Variants in PIK3C3 observed in about 807,000 individuals in gnomAD.
PIK3C3 encodes the protein PI3-kinase type 3.
PIK3C3 carries 95 observed loss-of-function variants against 126.1 expected under a neutral mutation model. That is an observed-to-expected ratio of 0.75 (90% confidence interval 0.64 to 0.89). The LOEUF is 0.89. Among genes scored for constraint, PIK3C3 ranks in the 40% least tolerant of loss-of-function variants. The probability of loss-of-function intolerance (pLI) is 0.00; values close to 1 mark genes in which losing one functional copy is unlikely to be tolerated. For missense variants in PIK3C3, 829 were observed against 1,063.2 expected (o/e 0.78, Z 3.06); for synonymous variants, 374 against 360.0 (o/e 1.04, Z -0.44).
intron 24 of PIK3C3, among the ~76,000 whole-genome samples, chr18:42,076,129 T>TATGCAC (rs1985991159): frequency 6.1e-5 from 5 of 81,728 alleles, no homozygotes; most frequent in African/African-American, 3.5e-4. Context: ...TATGCGCATA[T>TATGCAC]ATATATATAT....
intron 12 of PIK3C3, among the ~76,000 whole-genome samples, chr18:42,020,251 C>T (rs1409312030): frequency 6.6e-6 from 1 of 152,096 alleles, no homozygotes; most frequent in Non-Finnish European, 1.5e-5. Flanking sequence ...ATTTTATTTA[C>T]ATTACTTAGC....
intron 24 of PIK3C3, among the ~76,000 whole-genome samples, chr18:42,079,641 G>A (rs1986164805): frequency 6.6e-6 from 1 of 151,970 alleles, no homozygotes; most frequent in South Asian, 2.1e-4. Flanking sequence ...AATAAAACAA[G>A]GTATGCTGGT....
At chr18:41,976,967 T>C (rs1301042133) in intron 4 of PIK3C3, among the ~76,000 whole-genome samples, 1 of 152,224 alleles carries the variant, frequency 6.6e-6, no homozygotes, top group African/African-American at 2.4e-5. Context: ...CAGTGACATA[T>C]GCTTAAGATC....
intron 10 of PIK3C3, among the ~76,000 whole-genome samples, chr18:42,009,381 T>C (rs1982695941): frequency 6.6e-6 from 1 of 152,162 alleles, no homozygotes; most frequent in Non-Finnish European, 1.5e-5. Flanking sequence ...TAAAAATTAT[T>C]TGGTGTGAGA....
intron 13 of PIK3C3, among the ~76,000 whole-genome samples, chr18:42,024,018 T>A (rs1177455814): frequency 6.6e-6 from 1 of 152,212 alleles, no homozygotes; most frequent in African/African-American, 2.4e-5. Flanking sequence ...ATGATGGGCA[T>A]CAGAATCTAT....
intron 3 of PIK3C3, among the ~76,000 whole-genome samples, chr18:41,968,648 C>T (rs1423651604): frequency 6.6e-6 from 1 of 152,054 alleles, no homozygotes; most frequent in Non-Finnish European, 1.5e-5. Flanking sequence ...AGTTCCCAAT[C>T]TAAATGTTTA....
rs1428736528 is a variant in PIK3C3 at position 42,029,328 on chromosome 18, G to T, written c.1594G>T (p.Asp532Tyr). Residue 532 changes from aspartate to tyrosine, a missense_variant, in exon 15 of 25, where the codon GAT becomes TAT. Around this residue, in one of 4 missense-constraint regions of PIK3C3, gnomAD observed 256 missense variants for 291.0 expected, o/e 0.88. Coordinates refer to ENST00000262039, the MANE Select transcript of PIK3C3 (RefSeq NM_002647.4). The part of the protein sequence containing the change: ...RRFSQALLKG[D>Y]KSVRVMRSLL... Reference sequence around the variant, plus strand: ...TTTCTCACTTTGAACCCTTCAGGGTGATAAGTCTGTCAGAGTTATGCGTTC... The same window carrying T: ...TTTCTCACTTTGAACCCTTCAGGGTTATAAGTCTGTCAGAGTTATGCGTTC... 1 of 1,607,430 alleles carries T rather than the reference G, an allele frequency of 6.2e-7. No homozygotes were observed. The highest frequency in any genetic ancestry group is 1.3e-5 in the African/African-American group (1 of 74,814).
chr18:42,076,225 T>C (rs938127948), intron 24 of PIK3C3, among the ~76,000 whole-genome samples: 20 of 136,920 alleles, frequency 1.5e-4, no homozygotes, highest in African/African-American at 1.5e-4. Context: ...TATATATGCA[T>C]ATATATATTA....
At chr18:42,049,675 C>A in intron 21 of PIK3C3, 70 bp downstream of exon 21, 1 of 1,242,954 alleles carries the variant, frequency 8.0e-7, no homozygotes, top group Non-Finnish European at 1.2e-6. Flanking sequence ...AATCTATGTA[C>A]TAACAAGATA....
At position 42,041,939 on chromosome 18, in the gene PIK3C3, C is replaced by T. The variant is rs1249366353; in HGVS notation, c.2103+1198C>T. Among the ~76,000 whole-genome samples the T allele has an allele frequency of 3.9e-5, 6 of 152,326 alleles. No individual in the cohort carries two copies. In the South Asian group the frequency reaches 6.2e-4, roughly 16 times the overall value. On this transcript the variant is annotated intron_variant, in intron 19 of 24. Transcript: ENST00000262039. ...AACTCTTTTTGCAGAGAAAAGTTAA[C>T]ATAGTAGCCCTAAGGTTGCAATCTT... is the stretch of plus-strand genomic sequence containing the variant.
At chr18:42,020,840 CTG>C (rs1366605409) in intron 13 of PIK3C3, 135 bp downstream of exon 13, 14 of 568,506 alleles carry the variant, frequency 2.5e-5, no homozygotes, top group African/African-American at 1.5e-4. Flanking sequence ...TTATATCTAA[CTG>C]TATTCCCTGA....
At chr18:41,990,278 T>C (rs1374482888) in intron 5 of PIK3C3, among the ~76,000 whole-genome samples, 181 bp from the exon 6 acceptor site, 1 of 152,170 alleles carries the variant, frequency 6.6e-6, no homozygotes, top group African/African-American at 2.4e-5. Flanking sequence ...GTGCTGTCTA[T>C]AATAAAATAA....
At chr18:42,047,237 C>T (rs1984596687) in intron 20 of PIK3C3, among the ~76,000 whole-genome samples, 1 of 152,110 alleles carries the variant, frequency 6.6e-6, no homozygotes, top group Non-Finnish European at 1.5e-5. Context: ...AACTCAGCTG[C>T]ACTGATGTAC....
Position 42,064,776 on chromosome 18 carries a change from G to A in PIK3C3, c.2469G>A (p.Met823Ile). The A allele has an allele frequency of 1.2e-6, 2 of 1,606,210 alleles. No homozygotes were observed. The highest frequency in any genetic ancestry group is 1.7e-6 in the Non-Finnish European group (2 of 1,173,180). Residue 823 changes from methionine (M) to isoleucine (I), a missense_variant, in exon 23 of 25, where the codon ATG becomes ATA. By Grantham distance (10) the Met-to-Ile change is conservative. This residue lies in a region of PIK3C3 where 196 missense variants were observed against 312.8 expected (regional missense o/e 0.63). Transcript: ENST00000262039. ...SNLILNLFSL[M>I]VDANIPDIAL... ...TGATTTTGAACTTGTTTTCCTTGAT[G>A]GTTGATGCAAACATTCCAGATATTG... is the stretch of plus-strand genomic sequence containing the variant.
chr18:42,035,566 G>A (rs371517852), intron 16 of PIK3C3, among the ~76,000 whole-genome samples: 1 of 152,116 alleles, frequency 6.6e-6, no homozygotes, highest in East Asian at 1.9e-4. Flanking sequence ...AAGTATATGG[G>A]CATTCTTAAA....
intron 22 of PIK3C3, among the ~76,000 whole-genome samples, chr18:42,058,388 G>C (rs1568004925): frequency 6.6e-6 from 1 of 152,198 alleles, no homozygotes; most frequent in African/African-American, 2.4e-5. Flanking sequence ...CTGAGATAGA[G>C]AAAAGGTTAA....
At chr18:42,049,126 T>A (rs1334279263) in intron 20 of PIK3C3, among the ~76,000 whole-genome samples, 4 of 152,222 alleles carry the variant, frequency 2.6e-5, no homozygotes, top group Admixed American at 2.6e-4. Context: ...AGATTATTTT[T>A]CCACAGACTT....
intron 13 of PIK3C3, among the ~76,000 whole-genome samples, chr18:42,021,421 A>C (rs1230888186): frequency 6.6e-6 from 1 of 152,168 alleles, no homozygotes; most frequent in Non-Finnish European, 1.5e-5. Context: ...CTTAAGCCAC[A>C]ATCAGAAATA....
At chr18:42,018,281 ATACT>A (rs1366886663) in intron 12 of PIK3C3, among the ~76,000 whole-genome samples, 2 of 152,014 alleles carry the variant, frequency 1.3e-5, no homozygotes, top group Non-Finnish European at 1.5e-5. Context: ...TTTACAATAC[ATACT>A]TCCTGTTTCA....
Sources: gnomAD v4.1 joint callset for allele counts (sites outside exome capture counted in the v4.1 genomes callset) on GRCh38, gnomAD v4.1.1 for gene constraint, gnomAD v4.1.1 regional missense constraint, MANE v1.5 for transcripts, NCBI Gene and HGNC (gene_info 2026-07-23, HGNC 2026-07-21) for gene names.